The following ERC2 variants were observed in gnomAD, a reference collection of about 807,000 sequenced individuals.
The protein encoded by ERC2 is ERC protein 2.
In ERC2, 42 loss-of-function variants were observed where a neutral mutation model predicts 114.8. That is an observed-to-expected ratio of 0.37 (90% CI 0.29 to 0.47). The LOEUF (loss-of-function observed/expected upper bound fraction) is 0.47, where lower values mean the gene tolerates loss of function less well. Ranked by LOEUF, ERC2 falls within the 20% of genes least tolerant of loss-of-function variation. ERC2 has a pLI of 0.99. For synonymous variants in ERC2, 454 were observed against 425.5 expected, an observed-to-expected ratio of 1.07 and a Z score of -0.82; for missense variants, 939 against 1,150.7, an observed-to-expected ratio of 0.82 and a Z score of 2.66.
At chr3:56,333,273 C>A (rs561632128) in intron 2 of ERC2, among the ~76,000 whole-genome samples, 47 of 152,334 alleles carry the variant, frequency 3.1e-4, no homozygotes, top group Admixed American at 1.8e-3. Flanking sequence ...TTTGATCTCA[C>A]AAGTCCACTC....
chr3:55,984,360 T>TA (rs2070410392), intron 12 of ERC2, among the ~76,000 whole-genome samples: 2 of 151,150 alleles, frequency 1.3e-5, no homozygotes, highest in South Asian at 2.1e-4. Flanking sequence ...AGTGTATAGG[T>TA]AAAAAACTAA....
intron 3 of ERC2, among the ~76,000 whole-genome samples, chr3:56,182,583 T>C (rs2083347571): frequency 1.3e-5 from 2 of 152,196 alleles, no homozygotes; most frequent in Admixed American, 1.3e-4. Flanking sequence ...ATCACCATTT[T>C]ATTATCACCA....
intron 13 of ERC2, among the ~76,000 whole-genome samples, chr3:55,905,278 A>AC (rs2064363399): frequency 6.6e-6 from 1 of 152,120 alleles, no homozygotes; most frequent in South Asian, 2.1e-4. Context: ...ATGGGGTTTC[A>AC]CCATGTTAGT....
chr3:56,275,973 C>G (rs2053963663), intron 3 of ERC2, among the ~76,000 whole-genome samples: 1 of 152,136 alleles, frequency 6.6e-6, no homozygotes, highest in African/African-American at 2.4e-5. Context: ...TTGAGAAACC[C>G]TTAGAGGGCC....
At chr3:55,628,960 T>TATGAGGAATTTCTTAC (rs11268750) in intron 17 of ERC2, among the ~76,000 whole-genome samples, 1 of 151,994 alleles carries the variant, frequency 6.6e-6, no homozygotes, top group African/African-American at 2.4e-5. Context: ...ACCTTTCTTA[T>TATGAGGAATTTCTTAC]ATGAATGAAG....
chr3:56,036,152 T>A (rs2074786215), intron 7 of ERC2, among the ~76,000 whole-genome samples: 3 of 152,150 alleles, frequency 2.0e-5, no homozygotes, highest in African/African-American at 7.2e-5. Flanking sequence ...CTTATCAAAA[T>A]TTATCCTTTC....
chr3:56,050,471 C>T (rs1029367741), intron 7 of ERC2, among the ~76,000 whole-genome samples: 4 of 152,092 alleles, frequency 2.6e-5, no homozygotes, highest in African/African-American at 9.7e-5. Context: ...GAAATGCGTG[C>T]GTCTCCTACA....
At chr3:55,799,813 A>T (rs2070893154) in intron 14 of ERC2, among the ~76,000 whole-genome samples, 1 of 152,192 alleles carries the variant, frequency 6.6e-6, no homozygotes, top group South Asian at 2.1e-4. Flanking sequence ...TGAATTAGAA[A>T]CCGAGACTGT....
intron 14 of ERC2, among the ~76,000 whole-genome samples, chr3:55,852,168 T>C (rs6796871): frequency 0.36 from 54,291 of 152,012 alleles, 12,075 homozygotes; most frequent in African/African-American, 0.63. Flanking sequence ...GGCAGTGAAC[T>C]GAGATCGCAC....
At chr3:56,437,792 T>A (rs1457028452) in intron 1 of ERC2, among the ~76,000 whole-genome samples, 1 of 152,194 alleles carries the variant, frequency 6.6e-6, no homozygotes. Context: ...GAGAGACAGA[T>A]AATGGAATAG....
intron 12 of ERC2, among the ~76,000 whole-genome samples, chr3:55,952,136 AACACACACACACACACACACACACACAC>A (rs778299355): frequency 1.3e-5 from 1 of 75,422 alleles, no homozygotes; most frequent in African/African-American, 4.3e-5. Flanking sequence ...CCATCTCTAA[AACACACACACACACACACACACACACAC>A]ACACACACAC....
chr3:55,838,540 T>A (rs925465704), intron 14 of ERC2, among the ~76,000 whole-genome samples: 3 of 151,948 alleles, frequency 2.0e-5, no homozygotes, highest in Non-Finnish European at 2.9e-5. Context: ...GCATACAGAA[T>A]GTAGATAAAA....
intron 17 of ERC2, among the ~76,000 whole-genome samples, chr3:55,668,670 C>T (rs1292946826): frequency 1.3e-5 from 2 of 152,214 alleles, no homozygotes; most frequent in African/African-American, 4.8e-5. Context: ...CCACACCACA[C>T]AGCTCTCAAT....
chr3:56,152,394 C>A (rs2081462310), intron 4 of ERC2, among the ~76,000 whole-genome samples: 1 of 120,896 alleles, frequency 8.3e-6, no homozygotes, highest in African/African-American at 2.9e-5. Context: ...AAACTTGCCA[C>A]AATCATCCCC....
chr3:55,571,206 G>A (rs981032227), intron 17 of ERC2, among the ~76,000 whole-genome samples: 4 of 151,062 alleles, frequency 2.6e-5, no homozygotes, highest in Admixed American at 6.6e-5. Context: ...GACAAGAATC[G>A]GGTCTGTTTT....
intron 2 of ERC2, among the ~76,000 whole-genome samples, chr3:56,322,413 C>T (rs111987668): frequency 1.0e-3 from 156 of 152,232 alleles, no homozygotes; most frequent in Middle Eastern, 3.4e-3. Flanking sequence ...ATTGGGATGG[C>T]CCTGGAATGG....
At chr3:56,197,569 C>T (rs1241656025) in intron 3 of ERC2, among the ~76,000 whole-genome samples, 1 of 152,160 alleles carries the variant, frequency 6.6e-6, no homozygotes, top group East Asian at 1.9e-4. Flanking sequence ...TAGCAATAGC[C>T]GTCTGTACAA....
intron 7 of ERC2, among the ~76,000 whole-genome samples, chr3:56,050,452 G>A (rs1019182511): frequency 2.6e-5 from 4 of 152,120 alleles, no homozygotes; most frequent in African/African-American, 9.7e-5. Flanking sequence ...AAGTGTTGGG[G>A]TCAAGTGTGA....
At chr3:55,650,852 CTT>C (rs1285001832) in intron 17 of ERC2, among the ~76,000 whole-genome samples, 1 of 118,936 alleles carries the variant, frequency 8.4e-6, no homozygotes. Context: ...TTTTTTTTTT[CTT>C]TTTTTTTTTA....
Sources: allele counts gnomAD v4.1 joint callset (sites outside exome capture counted in the v4.1 genomes callset), GRCh38; gene constraint gnomAD v4.1.1; transcripts MANE v1.5; gene names NCBI Gene and HGNC (gene_info 2026-07-23, HGNC 2026-07-21).